NAT10: variants seen among roughly 807,000 people sequenced by gnomAD.
NAT10 encodes N-acetyltransferase 10, also known as RNA cytidine acetyltransferase.
NAT10 carries 109 observed loss-of-function variants against 132.2 expected under a neutral mutation model. The ratio of observed to expected loss-of-function variants is 0.82; its 90% CI spans 0.71 to 0.97. The LOEUF (loss-of-function observed/expected upper bound fraction) is 0.97. Among genes scored for constraint, NAT10 ranks in the 50% least tolerant of loss-of-function variants. The pLI, the probability that NAT10 is intolerant of heterozygous loss-of-function variation, is 0.00. For missense variants in NAT10, 1,184 were observed against 1,263.4 expected (o/e 0.94, Z 0.95); for synonymous variants, 479 against 478.0 (o/e 1.00, Z -0.03).
At chr11:34,108,696 A>G (rs749412085) in intron 2 of NAT10, 46 bp from the exon 3 acceptor site, 20 of 1,560,066 alleles carry the variant, frequency 1.3e-5, no homozygotes, top group South Asian at 4.6e-5. Context: ...GGCGGTCTCT[A>G]AAGTCTCTTT....
In NAT10 at chr11:34,108,789, G is replaced by A. The variant is rs751404505; in HGVS notation, c.156G>A (p.Arg52=). 1 of 1,613,964 alleles carries A rather than the reference G, an allele frequency of 6.2e-7. No individual in the cohort carries two copies. Among genetic ancestry groups the A allele is most frequent in the Non-Finnish European group, 8.5e-7 (1 of 1,179,948 alleles). Reference sequence around the variant, plus strand: ...TATCCAAAGCAACTGTGAAGGCTCGGCCTTCAGTGCTGTGGTGTTATAAGA... The same window carrying A: ...TATCCAAAGCAACTGTGAAGGCTCGACCTTCAGTGCTGTGGTGTTATAAGA... ...HMLSKATVKA[R]PSVLWCYKKE... is the part of the protein sequence containing the mutation. Residue 52 remains arginine, a synonymous_variant, in exon 3 of 29, where the codon CGG becomes CGA. Coordinates refer to ENST00000257829, the MANE Select transcript of NAT10 (RefSeq NM_024662.3).
chr11:34,128,608 G>A (rs188940138), intron 12 of NAT10, among the ~76,000 whole-genome samples: 218 of 152,332 alleles, frequency 1.4e-3, no homozygotes, highest in Non-Finnish European at 2.3e-3. Flanking sequence ...TCTGTATGCA[G>A]ATTTATTGTG....
intron 3 of NAT10, 47 bp from the exon 4 acceptor site, chr11:34,112,005 T>C (rs73501073): frequency 0.087 from 139,947 of 1,603,712 alleles, 6,769 homozygotes; most frequent in African/African-American, 0.15. Flanking sequence ...GCTCTTTAGC[T>C]GCTCTGGTTA....
intron 3 of NAT10, among the ~76,000 whole-genome samples, chr11:34,109,577 C>G (rs1458352020): frequency 1.3e-5 from 2 of 152,330 alleles, no homozygotes; most frequent in African/African-American, 4.8e-5. Context: ...GCCTCTTCTT[C>G]TACCAGTTCA....
rs762055991 is a variant in NAT10, at chr11:34,140,383, C to T, written c.2420-17C>T. 10 of 1,608,676 alleles carry T rather than the reference C, an allele frequency of 6.2e-6. No homozygotes were observed. The highest frequency in any genetic ancestry group is 6.8e-6 in the Non-Finnish European group (8 of 1,175,566). Reference sequence around the variant, plus strand: ...GCCGGGTGACCTAACCTGTCTAGCTCTCTATCCCATGGACAGCCCTGAGCC... The same window carrying T: ...GCCGGGTGACCTAACCTGTCTAGCTTTCTATCCCATGGACAGCCCTGAGCC... On this transcript the variant is annotated splice_polypyrimidine_tract_variant and intron_variant, in intron 23 of 28. Transcript: ENST00000257829.
chr11:34,141,875 G>C, intron 26 of NAT10, 58 bp downstream of exon 26: 1 of 1,412,478 alleles, frequency 7.1e-7, no homozygotes, highest in Non-Finnish European at 1.0e-6. Context: ...GCCTTAGGCT[G>C]TGAATTCAGA....
Position 34,110,296 on chromosome 11 carries a change from A to ACTAAC in NAT10, c.200+1466_200+1470dup, listed in dbSNP as rs1477298741. Among the ~76,000 whole-genome samples, 3 of 151,688 alleles carry ACTAAC rather than the reference A, an allele frequency of 2.0e-5. No individual in the cohort carries two copies. The East Asian group carries it at 5.8e-4, about 29-fold the overall frequency. ...CCAGCTCTGGTTGCTTTATGCTGTGACTAACCTCCCTCCTTTTCTTTGCTC... is the reference window on the plus strand; with the variant it reads ...CCAGCTCTGGTTGCTTTATGCTGTGACTAACCTAACCTCCCTCCTTTTCTTTGCTC... On this transcript the variant is annotated intron_variant, in intron 3 of 28. Transcript: ENST00000257829.
rs775224787 is a variant in NAT10 at position 34,131,393 on chromosome 11, A to G, written c.1382A>G (p.Tyr461Cys). 2 of 1,613,858 alleles carry G rather than the reference A, an allele frequency of 1.2e-6. No individual in the cohort carries two copies. Among genetic ancestry groups the G allele is most frequent in the East Asian group, 2.2e-5 (1 of 44,866 alleles). The change falls in exon 14 of 29, where the codon TAT (tyrosine) becomes TGT (cysteine). Residue 461 changes from tyrosine to cysteine, a missense_variant. Physicochemically the swap from Tyr to Cys is radical, Grantham distance 194 (BLOSUM62 -2). Coordinates refer to ENST00000257829, the MANE Select transcript of NAT10 (RefSeq NM_024662.3). The stretch of plus-strand genomic sequence containing the variant: ...TTGTGGGGAGCAGCGCGGACACTGT[A>G]TGAGGTTTCCCTCCAGGAGTCAATC... The part of the protein sequence containing the change: ...TARLASARTL[Y>C]EVSLQESIRY...
chr11:34,114,817 GT>G (rs367722494), intron 5 of NAT10, among the ~76,000 whole-genome samples: 2 of 152,110 alleles, frequency 1.3e-5, no homozygotes, highest in East Asian at 1.9e-4. Flanking sequence ...ATGACCTAAA[GT>G]TATTATTATT....
chr11:34,107,161 G>T (rs537207160), intron 1 of NAT10: 1 of 151,110 alleles, frequency 6.6e-6, no homozygotes, highest in African/African-American at 2.4e-5. Flanking sequence ...AGCCTCTCCT[G>T]CAGCTCCACT....
intron 6 of NAT10, among the ~76,000 whole-genome samples, chr11:34,117,646 G>A (rs529039608): frequency 6.6e-6 from 1 of 152,314 alleles, no homozygotes; most frequent in East Asian, 1.9e-4. Context: ...GCAGTGGGAG[G>A]ATGTTTGAAT....
At chr11:34,119,375 G>C (rs556260679) in intron 8 of NAT10, among the ~76,000 whole-genome samples, 25 of 152,360 alleles carry the variant, frequency 1.6e-4, no homozygotes, top group African/African-American at 5.8e-4. Flanking sequence ...GCTTAGGGCT[G>C]AGTCCCAGCA....
Position 34,131,805 on chromosome 11 carries a change from C to T in NAT10, c.1520+274C>T, listed in dbSNP as rs142592813. Among the ~76,000 whole-genome samples the T allele has an allele frequency of 8.6e-5, 13 of 151,764 alleles. No individual in the cohort carries two copies. In the East Asian group the frequency reaches 2.5e-3, roughly 29 times the overall value. ...GGTTCAAGTGATTCTCCTGCCTCAG[C>T]CTCTTGAGTAGCTGGGATTACAGGT... On this transcript the variant is annotated intron_variant, in intron 14 of 28. Coordinates refer to ENST00000257829, the MANE Select transcript of NAT10 (RefSeq NM_024662.3).
Position 34,118,219 on chromosome 11 carries a change from C to T in NAT10, c.597C>T (p.Val199=). The change falls in exon 7 of 29, where the codon GTC becomes GTT. Residue 199 remains valine (V), a synonymous_variant. Transcript: ENST00000257829. ...LSLASCKKCL[V]IDDQLNILPI... is the part of the protein sequence containing the mutation. Reference sequence around the variant, plus strand: ...TGGCCTCTTGTAAGAAGTGTCTCGTCATTGATGACCAGCTCAACATCCTGC... The same window carrying T: ...TGGCCTCTTGTAAGAAGTGTCTCGTTATTGATGACCAGCTCAACATCCTGC... The T allele has an allele frequency of 1.2e-6, 2 of 1,614,224 alleles. No homozygotes were observed. Among genetic ancestry groups the T allele is most frequent in the Non-Finnish European group, 1.7e-6 (2 of 1,180,030 alleles).
chr11:34,132,051 G>A (rs1263274422), intron 14 of NAT10, 74 bp from the exon 15 acceptor site: 2 of 1,115,642 alleles, frequency 1.8e-6, no homozygotes, highest in East Asian at 4.7e-5. Flanking sequence ...ACGGAAATTT[G>A]TTCTGCCTCC....
At position 34,135,084 on chromosome 11, in the gene NAT10, G is replaced by T. The variant is rs7101607; in HGVS notation, c.1912-91G>T. 1,545 of 988,724 alleles carry T rather than the reference G, an allele frequency of 1.6e-3. 19 individuals carry two copies. In the African/African-American group the frequency reaches 0.022, roughly 14 times the overall value. 61.2% of individuals were successfully genotyped at this position (988,724 alleles called of 1,614,324 possible). A position where few individuals can be genotyped will look rare whatever the true frequency, so the allele number is the denominator to read the frequency against. The stretch of plus-strand genomic sequence containing the variant: ...CCGTGCTGTTTGACAGGGAGGGAAG[G>T]TTCTCTAGAAGCAATGCAGGGGAGT... On this transcript the variant is annotated intron_variant, in intron 18 of 28. Transcript: ENST00000257829.
Position 34,144,225 on chromosome 11 carries a change from A to G in NAT10, c.2969+697A>G, listed in dbSNP as rs546181335. On this transcript the variant is annotated intron_variant, in intron 28 of 28. Transcript: ENST00000257829. ...CGAGGTAGGAGGATCGCTTGAGCCC[A>G]GGTGTTCAAGACCAACCTGCGCAAC... Among the ~76,000 whole-genome samples, 140 of 152,330 alleles carry G rather than the reference A, an allele frequency of 9.2e-4. 1 individual carries two copies. Among genetic ancestry groups the G allele is most frequent in the African/African-American group, 3.2e-3 (131 of 41,574 alleles).
intron 18 of NAT10, 54 bp from the exon 19 acceptor site, chr11:34,135,121 A>G: frequency 7.7e-6 from 11 of 1,433,008 alleles, no homozygotes; most frequent in Non-Finnish European, 1.1e-5. Flanking sequence ...ACTGTGGCTT[A>G]GACTGAGAGC....
At chr11:34,141,302 C>A in intron 25 of NAT10, 94 bp downstream of exon 25, 2 of 1,521,212 alleles carry the variant, frequency 1.3e-6, no homozygotes, top group Non-Finnish European at 1.8e-6. Flanking sequence ...TAGCATTTAG[C>A]TGTGTTTGCT....
Sources: gnomAD v4.1 joint callset for allele counts (sites outside exome capture counted in the v4.1 genomes callset) on GRCh38, gnomAD v4.1.1 for gene constraint, MANE v1.5 for transcripts, NCBI Gene and HGNC (gene_info 2026-07-23, HGNC 2026-07-21) for gene names.